SLC1A3: variants seen among roughly 807,000 people sequenced by gnomAD.
SLC1A3 encodes the protein excitatory amino acid transporter 1.
SLC1A3 carries 21 observed loss-of-function variants against 48.1 expected under a neutral mutation model. The observed-to-expected ratio is 0.44, with a 90% CI of 0.31 to 0.63. The LOEUF (loss-of-function observed/expected upper bound fraction) is 0.63. SLC1A3 is among the 20% of genes least tolerant of loss of function. SLC1A3 has a pLI of 0.08. For synonymous variants in SLC1A3, 239 were observed against 251.4 expected, an observed-to-expected ratio of 0.95 and a Z score of 0.47; for missense variants, 546 against 689.0, an observed-to-expected ratio of 0.79 and a Z score of 2.32.
intron 3 of SLC1A3, among the ~76,000 whole-genome samples, chr5:36,633,116 G>A (rs927513414): frequency 5.3e-5 from 8 of 152,214 alleles, no homozygotes; most frequent in African/African-American, 1.9e-4. Flanking sequence ...ATATGAGTTG[G>A]TTTGGCTGAC....
At chr5:36,663,949 G>A (rs1322377838) in intron 3 of SLC1A3, among the ~76,000 whole-genome samples, 1 of 152,120 alleles carries the variant, frequency 6.6e-6, no homozygotes, top group Non-Finnish European at 1.5e-5. Context: ...GTATTCCCTT[G>A]TTACAATGTC....
chr5:36,620,238 A>G (rs1312507799), intron 2 of SLC1A3, among the ~76,000 whole-genome samples: 1 of 152,168 alleles, frequency 6.6e-6, no homozygotes, highest in Non-Finnish European at 1.5e-5. Context: ...AGCATCGCCT[A>G]CCCTAAGTTA....
intron 1 of SLC1A3, 108 bp from the exon 2 acceptor site, chr5:36,608,221 G>A (rs1054051394): frequency 1.7e-6 from 1 of 571,568 alleles, no homozygotes; most frequent in African/African-American, 1.9e-5. Context: ...TCCAGTCCTT[G>A]ATTCCTGCTG....
At chr5:36,648,027 T>A (rs2111834332) in intron 3 of SLC1A3, among the ~76,000 whole-genome samples, 1 of 152,336 alleles carries the variant, frequency 6.6e-6, no homozygotes, top group South Asian at 2.1e-4. Context: ...ATTTCTTTCA[T>A]CACTGAGATT....
At chr5:36,609,613 C>A (rs571126813) in intron 2 of SLC1A3, among the ~76,000 whole-genome samples, 39 of 152,230 alleles carry the variant, frequency 2.6e-4, no homozygotes, top group Admixed American at 7.8e-4. Context: ...AAATTGAATT[C>A]TTAAATTGTA....
intron 3 of SLC1A3, among the ~76,000 whole-genome samples, chr5:36,663,122 T>C (rs1741583236): frequency 6.6e-6 from 1 of 152,244 alleles, no homozygotes; most frequent in Non-Finnish European, 1.5e-5. Flanking sequence ...CCACTAATAA[T>C]ACTGTCTTCG....
intron 3 of SLC1A3, among the ~76,000 whole-genome samples, chr5:36,651,619 T>C (rs1485676130): frequency 7.9e-6 from 1 of 127,370 alleles, no homozygotes; most frequent in African/African-American, 2.9e-5. Flanking sequence ...CTGAAACCCC[T>C]CCTTACCCTC....
intron 2 of SLC1A3, among the ~76,000 whole-genome samples, chr5:36,628,543 T>C (rs888148098): frequency 1.3e-5 from 2 of 152,314 alleles, no homozygotes; most frequent in Admixed American, 1.3e-4. Flanking sequence ...GCAAAAACTT[T>C]AAAAACATTT....
chr5:36,680,222 G>T (rs146381324), intron 7 of SLC1A3, 173 bp from the exon 8 acceptor site: 4 of 676,842 alleles, frequency 5.9e-6, no homozygotes, highest in Non-Finnish European at 1.1e-5. Flanking sequence ...AAATGACCCC[G>T]TGAGGGGACC....
At chr5:36,632,727 T>C (rs570721500) in intron 3 of SLC1A3, among the ~76,000 whole-genome samples, 1 of 152,384 alleles carries the variant, frequency 6.6e-6, no homozygotes, top group African/African-American at 2.4e-5. Context: ...CTTTTTATTG[T>C]GGAAGATTCT....
At chr5:36,657,694 A>G (rs894431651) in intron 3 of SLC1A3, among the ~76,000 whole-genome samples, 3 of 152,248 alleles carry the variant, frequency 2.0e-5, no homozygotes, top group Admixed American at 6.5e-5. Context: ...TGAGCAAGGA[A>G]TAAGTGTACA....
intron 3 of SLC1A3, chr5:36,670,760 C>G: frequency 1.9e-6 from 1 of 522,640 alleles, no homozygotes; most frequent in Non-Finnish European, 3.5e-6. Flanking sequence ...CATTAGAGAA[C>G]AGTATTGATT....
At chr5:36,682,823 G>A (rs934175905) in intron 8 of SLC1A3, among the ~76,000 whole-genome samples, 1 of 152,206 alleles carries the variant, frequency 6.6e-6, no homozygotes, top group Non-Finnish European at 1.5e-5. Flanking sequence ...AGGTTGGGAA[G>A]TGTAGTCTTC....
chr5:36,684,325 A>T (rs1742559119), intron 9 of SLC1A3, among the ~76,000 whole-genome samples: 1 of 152,192 alleles, frequency 6.6e-6, no homozygotes, highest in Admixed American at 6.5e-5. Flanking sequence ...GCACAACATG[A>T]CACCACAGCA....
At chr5:36,620,583 G>A (rs1393438354) in intron 2 of SLC1A3, among the ~76,000 whole-genome samples, 4 of 152,164 alleles carry the variant, frequency 2.6e-5, no homozygotes, top group Admixed American at 6.5e-5. Context: ...TGGGGCCCAG[G>A]CACTGTTGGA....
chr5:36,628,979 T>A (rs1561250075), intron 2 of SLC1A3, among the ~76,000 whole-genome samples: 1 of 152,142 alleles, frequency 6.6e-6, no homozygotes, highest in Non-Finnish European at 1.5e-5. Flanking sequence ...TGAGGGGTTT[T>A]TCTAACTGGA....
At chr5:36,661,452 A>G (rs1198541684) in intron 3 of SLC1A3, among the ~76,000 whole-genome samples, 1 of 152,246 alleles carries the variant, frequency 6.6e-6, no homozygotes, top group Non-Finnish European at 1.5e-5. Context: ...AACATGTTTT[A>G]TTCACTAGTT....
upstream of SLC1A3, chr5:36,606,274 A>G (rs1738936034): frequency 6.6e-6 from 1 of 152,270 alleles, no homozygotes; most frequent in Admixed American, 6.5e-5. Context: ...GAAACATGCA[A>G]TAATGTGAGG....
At position 36,687,941 on chromosome 5, in the gene SLC1A3, C is replaced by G. The variant is rs1490422358; in HGVS notation, c.*1672C>G. 6.6e-6 allele frequency: 1 copy of G among 152,314 alleles called. No homozygotes were observed. Among genetic ancestry groups the G allele is most frequent in the African/African-American group, 2.4e-5 (1 of 41,432 alleles). 9.4% of individuals were successfully genotyped at this position (152,314 alleles called of 1,614,324 possible). A position where few individuals can be genotyped will look rare whatever the true frequency, so the allele number is the denominator to read the frequency against. The stretch of plus-strand genomic sequence containing the variant: ...TGAAGAATGGACTTAATTATGCTAA[C>G]AAACTGAAAAATCTAGACATAGATC... On this transcript the variant is annotated 3_prime_UTR_variant, in exon 10 of 10. Coordinates refer to ENST00000265113, the MANE Select transcript of SLC1A3 (RefSeq NM_004172.5).
Sources: gnomAD v4.1 joint callset for allele counts (sites outside exome capture counted in the v4.1 genomes callset) on GRCh38, gnomAD v4.1.1 for gene constraint, MANE v1.5 for transcripts, NCBI Gene and HGNC (gene_info 2026-07-23, HGNC 2026-07-21) for gene names.